The following RBMS1 variants were observed in gnomAD, a reference collection of about 807,000 sequenced individuals.
RBMS1 encodes the protein RNA-binding motif, single-stranded-interacting protein 1.
Under a neutral mutation model 62.3 loss-of-function variants are expected in RBMS1, and 17 were observed. The observed-to-expected ratio is 0.27, with a 90% CI of 0.19 to 0.41. RBMS1 has a LOEUF of 0.41. Ranked by LOEUF, RBMS1 falls within the 10% of genes least tolerant of loss-of-function variation. The pLI, the probability that RBMS1 is intolerant of heterozygous loss-of-function variation, is 1.00. For missense variants in RBMS1, 334 were observed against 504.5 expected, an observed-to-expected ratio of 0.66 and a Z score of 3.24; for synonymous variants, 172 against 170.0, an observed-to-expected ratio of 1.01 and a Z score of -0.09.
intron 1 of RBMS1, among the ~76,000 whole-genome samples, chr2:160,459,909 C>A (rs972881735): frequency 6.6e-6 from 1 of 152,180 alleles, no homozygotes; most frequent in Admixed American, 6.5e-5. Flanking sequence ...CCTCTAAACA[C>A]CACTTAACTT....
chr2:160,309,071 C>T (rs79054495), intron 4 of RBMS1, among the ~76,000 whole-genome samples: 15,265 of 152,154 alleles, frequency 0.1, 1,039 homozygotes, highest in East Asian at 0.26. Flanking sequence ...GTCAGGCACT[C>T]CCACATTCCA....
chr2:160,342,040 T>C (rs919096360), intron 2 of RBMS1, among the ~76,000 whole-genome samples: 1 of 152,190 alleles, frequency 6.6e-6, no homozygotes, highest in African/African-American at 2.4e-5. Context: ...TTTATTACTG[T>C]CATTTACAGA....
chr2:160,369,567 T>G (rs553582620), intron 1 of RBMS1, among the ~76,000 whole-genome samples: 4 of 152,294 alleles, frequency 2.6e-5, no homozygotes, highest in African/African-American at 9.6e-5. Flanking sequence ...GATTAGTGTC[T>G]CAGAAACCAT....
At chr2:160,309,343 T>C (rs1462482843) in intron 4 of RBMS1, among the ~76,000 whole-genome samples, 1 of 152,146 alleles carries the variant, frequency 6.6e-6, no homozygotes, top group Non-Finnish European at 1.5e-5. Flanking sequence ...AATAGATAGA[T>C]GTCTAACTTA....
chr2:160,407,692 C>T, intron 1 of RBMS1: 2 of 981,800 alleles, frequency 2.0e-6, no homozygotes, highest in Non-Finnish European at 1.2e-6. Context: ...GGCTGCAGCT[C>T]CGCGCTGACT....
chr2:160,392,323 T>TTTTATTGAAACACAACCATGCCCATTTG (rs1694906037), intron 1 of RBMS1, among the ~76,000 whole-genome samples: 2 of 152,152 alleles, frequency 1.3e-5, no homozygotes, highest in African/African-American at 2.4e-5. Flanking sequence ...GTATTTAAAG[T>TTTTATTGAAACACAACCATGCCCATTTG]TTTATTGAAA....
intron 2 of RBMS1, among the ~76,000 whole-genome samples, chr2:160,351,301 A>G (rs887325477): frequency 6.6e-6 from 1 of 152,048 alleles, no homozygotes; most frequent in African/African-American, 2.4e-5. Context: ...CATTGTGTAC[A>G]TGTACCCTAG....
intron 1 of RBMS1, among the ~76,000 whole-genome samples, chr2:160,464,351 C>T (rs917192411): frequency 2.6e-5 from 4 of 152,148 alleles, no homozygotes; most frequent in South Asian, 2.1e-4. Flanking sequence ...AAAAACAATG[C>T]TGCATGAAGA....
At chr2:160,450,179 C>T (rs1183461859) in intron 1 of RBMS1, among the ~76,000 whole-genome samples, 4 of 152,168 alleles carry the variant, frequency 2.6e-5, no homozygotes, top group Admixed American at 6.5e-5. Flanking sequence ...GTGGAATCTA[C>T]GAGGGGTGCT....
intron 1 of RBMS1, among the ~76,000 whole-genome samples, chr2:160,423,819 T>G (rs1696529303): frequency 6.6e-6 from 1 of 152,136 alleles, no homozygotes; most frequent in Non-Finnish European, 1.5e-5. Flanking sequence ...CCTCTCTCTC[T>G]CTGATATCAC....
chr2:160,361,969 G>C (rs1337742820), intron 2 of RBMS1, among the ~76,000 whole-genome samples: 1 of 152,220 alleles, frequency 6.6e-6, no homozygotes, highest in Non-Finnish European at 1.5e-5. Flanking sequence ...TGAAGGATGG[G>C]ATAGCTGTGG....
intron 7 of RBMS1, among the ~76,000 whole-genome samples, chr2:160,286,307 T>C (rs1688388875): frequency 6.6e-6 from 1 of 150,708 alleles, no homozygotes; most frequent in African/African-American, 2.4e-5. Context: ...TCCTTTCTTT[T>C]TTTTTTTTTT....
chr2:160,384,117 A>G (rs1358243751), intron 1 of RBMS1, among the ~76,000 whole-genome samples: 7 of 152,214 alleles, frequency 4.6e-5, no homozygotes, highest in Non-Finnish European at 7.3e-5. Context: ...GAATGGTGTG[A>G]ACCTGGGAGG....
chr2:160,442,375 T>C (rs1466256140), intron 1 of RBMS1, among the ~76,000 whole-genome samples: 1 of 152,216 alleles, frequency 6.6e-6, no homozygotes, highest in Non-Finnish European at 1.5e-5. Flanking sequence ...TGCTTCTTAG[T>C]ACTACATTTG....
intron 7 of RBMS1, among the ~76,000 whole-genome samples, chr2:160,285,575 T>A (rs952788616): frequency 3.9e-5 from 6 of 151,946 alleles, no homozygotes; most frequent in African/African-American, 1.5e-4. Flanking sequence ...AAATAATAAT[T>A]CATGGAAAGT....
chr2:160,299,279 A>C (rs1292182021), intron 6 of RBMS1, among the ~76,000 whole-genome samples: 2 of 152,226 alleles, frequency 1.3e-5, no homozygotes, highest in Non-Finnish European at 2.9e-5. Flanking sequence ...TCTAGATTGT[A>C]AAGACTTAAA....
intron 6 of RBMS1, among the ~76,000 whole-genome samples, chr2:160,293,440 C>A (rs897364090): frequency 6.6e-6 from 1 of 152,142 alleles, no homozygotes; most frequent in Admixed American, 6.5e-5. Context: ...AGGGAGTCTG[C>A]CAGCAGACAC....
chr2:160,311,238 A>ATATC (rs1559361436), intron 4 of RBMS1, among the ~76,000 whole-genome samples: 7 of 119,240 alleles, frequency 5.9e-5, no homozygotes, highest in Admixed American at 8.7e-5. Flanking sequence ...CTATCTATAT[A>ATATC]TATATATATA....
At chr2:160,451,980 T>C (rs1384426819) in intron 1 of RBMS1, among the ~76,000 whole-genome samples, 3 of 152,198 alleles carry the variant, frequency 2.0e-5, no homozygotes, top group South Asian at 2.1e-4. Flanking sequence ...TTATAAAATC[T>C]TATATTTAGG....
Sources: allele counts gnomAD v4.1 joint callset (sites outside exome capture counted in the v4.1 genomes callset), GRCh38; gene constraint gnomAD v4.1.1; transcripts MANE v1.5; gene names NCBI Gene and HGNC (gene_info 2026-07-23, HGNC 2026-07-21).